Variants in JCHAIN observed in about 807,000 individuals in gnomAD.
JCHAIN encodes the protein joining chain of multimeric IgA and IgM.
Under a neutral mutation model 11.1 loss-of-function variants are expected in JCHAIN, and 5 were observed. The observed-to-expected ratio is 0.45, with a 90% CI of 0.24 to 0.95. The LOEUF is 0.95. Ranked by LOEUF, JCHAIN falls within the 40% of genes least tolerant of loss-of-function variation. The probability of loss-of-function intolerance (pLI) is 0.21; values close to 1 mark genes in which losing one functional copy is unlikely to be tolerated. For missense variants in JCHAIN, 165 were observed against 192.7 expected (o/e 0.86, Z 0.85); for synonymous variants, 51 against 67.8 (o/e 0.75, Z 1.22).
chr4:70,659,549 CAAAAAAAAAAAAAAAAAAAAA>C (rs35627461), intron 2 of JCHAIN, among the ~76,000 whole-genome samples: 1 of 16,552 alleles, frequency 6.0e-5, no homozygotes, highest in African/African-American at 2.8e-4. Context: ...GACTCTGTCT[CAAAAAAAAAAAAAAAAAAAAA>C]AAAAAAAAAA....
chr4:70,662,722 A>G (rs927637827), intron 1 of JCHAIN, among the ~76,000 whole-genome samples: 1 of 152,266 alleles, frequency 6.6e-6, no homozygotes, highest in Admixed American at 6.5e-5. Context: ...GGACTTTGGG[A>G]GGCCGAGGCG....
intron 2 of JCHAIN, among the ~76,000 whole-genome samples, chr4:70,661,460 G>C (rs967144108): frequency 1.3e-5 from 2 of 152,180 alleles, no homozygotes; most frequent in Non-Finnish European, 2.9e-5. Context: ...GTTTCAGTTT[G>C]AACTGATCAA....
intron 2 of JCHAIN, 125 bp from the exon 3 acceptor site, chr4:70,657,416 T>A (rs1738969813): frequency 2.2e-6 from 1 of 447,156 alleles, no homozygotes; most frequent in African/African-American, 2.0e-5. Context: ...CTATAAGCAC[T>A]CTAGAGTAAT....
intron 1 of JCHAIN, 90 bp downstream of exon 1, chr4:70,666,337 C>A (rs925417746): frequency 4.5e-6 from 4 of 879,650 alleles, no homozygotes; most frequent in African/African-American, 1.7e-5. Flanking sequence ...ACTGGCCAAC[C>A]AAAGCATAGG....
intron 1 of JCHAIN, among the ~76,000 whole-genome samples, chr4:70,663,923 C>T (rs980792565): frequency 2.0e-5 from 3 of 151,246 alleles, no homozygotes; most frequent in African/African-American, 7.3e-5. Context: ...AATAAGAGTG[C>T]TAATTAATAA....
chr4:70,656,578 T>C (rs1252323444), intron 3 of JCHAIN, 39 bp from the exon 4 acceptor site: 5 of 1,476,074 alleles, frequency 3.4e-6, no homozygotes, highest in Non-Finnish European at 4.7e-6. Context: ...TCCCCTCAAA[T>C]GCTGTCTCAA....
intron 1 of JCHAIN, among the ~76,000 whole-genome samples, chr4:70,665,034 C>G (rs1739126020): frequency 1.3e-5 from 2 of 152,118 alleles, no homozygotes; most frequent in African/African-American, 4.8e-5. Context: ...TACTTTATTC[C>G]AAGAGCATCT....
At chr4:70,661,202 TGATTG>T (rs1739054055) in intron 2 of JCHAIN, among the ~76,000 whole-genome samples, 2 of 152,246 alleles carry the variant, frequency 1.3e-5, no homozygotes, top group South Asian at 2.1e-4. Flanking sequence ...AACTTATAAC[TGATTG>T]GATCCAATAG....
At chr4:70,661,015 T>A (rs1577979263) in intron 2 of JCHAIN, among the ~76,000 whole-genome samples, 2 of 152,204 alleles carry the variant, frequency 1.3e-5, no homozygotes. Context: ...TCAAAGTAGA[T>A]TAGTAACTTG....
chr4:70,658,595 G>A (rs576098375), intron 2 of JCHAIN, among the ~76,000 whole-genome samples: 4 of 152,196 alleles, frequency 2.6e-5, no homozygotes, highest in East Asian at 1.9e-4. Flanking sequence ...AGCATATTAC[G>A]TGATGATCTC....
intron 1 of JCHAIN, chr4:70,665,862 C>A: frequency 2.9e-6 from 1 of 345,342 alleles, no homozygotes; most frequent in East Asian, 1.0e-4. Flanking sequence ...TACTGTACCT[C>A]TAAATTCAGA....
chr4:70,657,126 T>G, intron 3 of JCHAIN, 85 bp downstream of exon 3: 2 of 704,970 alleles, frequency 2.8e-6, no homozygotes. Context: ...CCAACATATT[T>G]TTAAAAACAT....
Position 70,660,904 on chromosome 4 carries a change from A to T in JCHAIN, c.188+1188T>A, listed in dbSNP as rs548920582. Among the ~76,000 whole-genome samples the T allele has an allele frequency of 2.9e-3, 435 of 152,330 alleles. 3 individuals are homozygous for T. Among genetic ancestry groups the T allele is most frequent in the Non-Finnish European group, 4.3e-3 (291 of 68,030 alleles). On this transcript the variant is annotated intron_variant, in intron 2 of 3. Coordinates refer to ENST00000254801, the MANE Select transcript of JCHAIN (RefSeq NM_144646.4). Reference sequence around the variant, plus strand: ...TAAATATTTTTTAATATGTCCCAGAAATATATAAGCTCTAAAAGGAATATT... The same window carrying T: ...TAAATATTTTTTAATATGTCCCAGATATATATAAGCTCTAAAAGGAATATT...
In JCHAIN at chr4:70,656,290, T is replaced by A. The variant is rs1738949761; in HGVS notation, c.*39A>T. 5.9e-6 allele frequency: 8 copies of A among 1,353,872 alleles called. No individual in the cohort carries two copies. The highest frequency in any genetic ancestry group is 1.4e-5 in the African/African-American group (1 of 69,460). 83.9% of individuals were successfully genotyped at this position (1,353,872 alleles called of 1,614,324 possible). On this transcript the variant is annotated 3_prime_UTR_variant, in exon 4 of 4. Coordinates refer to ENST00000254801, the MANE Select transcript of JCHAIN (RefSeq NM_144646.4). The stretch of plus-strand genomic sequence containing the variant: ...ACTTTCTGAATCAAAATGGAGAGCC[T>A]CTCAAGAAAAAGAGCTATGCAGTCA...
Position 70,656,414 on chromosome 4 carries a change from T to C in JCHAIN, c.395A>G (p.Tyr132Cys). ...ATATACGAGTGGGACCACAGCTGTGTAGCACTTGTTTCTGTCATAAGTGTA... is the reference window on the plus strand; with the variant it reads ...ATATACGAGTGGGACCACAGCTGTGCAGCACTTGTTTCTGTCATAAGTGTA... ...TCYTYDRNKC[Y>C]TAVVPLVYGG... The change falls in exon 4 of 4, where the codon TAC becomes TGC. Residue 132 changes from tyrosine (Y) to cysteine (C), a missense_variant. Transcript: ENST00000254801. 1 of 1,614,032 alleles carries C rather than the reference T, an allele frequency of 6.2e-7. No homozygotes were observed. Among genetic ancestry groups the C allele is most frequent in the Non-Finnish European group, 8.5e-7 (1 of 1,179,896 alleles).
In JCHAIN at chr4:70,664,711, T is replaced by TAA. The variant is rs570407833; in HGVS notation, c.64+1714_64+1715dup. 5.9e-3 allele frequency among the ~76,000 whole-genome samples: 904 copies of TAA among 152,306 alleles called. 9 individuals are homozygous for TAA. The highest frequency in any genetic ancestry group is 0.02 in the African/African-American group (843 of 41,566). On this transcript the variant is annotated intron_variant, in intron 1 of 3. Coordinates refer to ENST00000254801, the MANE Select transcript of JCHAIN (RefSeq NM_144646.4). ...TTCCTACTTGTGTATCCATGACTCT[T>TAA]AAAAGTTTTTTCTCAATGAAATATA... is the stretch of plus-strand genomic sequence containing the variant.
chr4:70,661,890 A>G (rs1051522490), intron 2 of JCHAIN, among the ~76,000 whole-genome samples: 2 of 152,244 alleles, frequency 1.3e-5, no homozygotes, highest in African/African-American at 4.8e-5. Flanking sequence ...CTGATTTTAG[A>G]TTGGCTGTAA....
Position 70,656,076 on chromosome 4 carries a change from C to G in JCHAIN, c.*253G>C. 2.4e-6 allele frequency: 1 copy of G among 409,484 alleles called. No homozygotes were observed. The highest frequency in any genetic ancestry group is 4.4e-6 in the Non-Finnish European group (1 of 229,468). 25.4% of individuals were successfully genotyped at this position (409,484 alleles called of 1,614,324 possible). On this transcript the variant is annotated 3_prime_UTR_variant, in exon 4 of 4. Transcript: ENST00000254801. ...AAACTGTATTCCTAAGAGAGCATAC[C>G]TCTTTCAGGTGAGCATGATAATTGG... is the stretch of plus-strand genomic sequence containing the variant.
At chr4:70,658,988 CTAAA>C (rs148591664) in intron 2 of JCHAIN, among the ~76,000 whole-genome samples, 2,337 of 152,244 alleles carry the variant, frequency 0.015, 34 homozygotes, top group South Asian at 0.04. Context: ...TTGGCAGTTA[CTAAA>C]TAAACATTCG....
Sources: allele counts gnomAD v4.1 joint callset (sites outside exome capture counted in the v4.1 genomes callset), GRCh38; gene constraint gnomAD v4.1.1; transcripts MANE v1.5; gene names NCBI Gene and HGNC (gene_info 2026-07-23, HGNC 2026-07-21).